Variants in NLRP13 observed in about 807,000 individuals in gnomAD.
The protein encoded by NLRP13 is NACHT, LRR and PYD domains-containing protein 13.
In NLRP13, 82 loss-of-function variants were observed where a neutral mutation model predicts 94.4. The observed-to-expected ratio is 0.87, with a 90% CI of 0.73 to 1.04. The LOEUF is 1.04. Among genes scored for constraint, NLRP13 ranks in the 50% least tolerant of loss-of-function variants. The pLI is 0.00. For synonymous variants in NLRP13, 553 were observed against 464.7 expected, an observed-to-expected ratio of 1.19 and a Z score of -2.45; for missense variants, 1,426 against 1,230.8, an observed-to-expected ratio of 1.16 and a Z score of -2.37.
chr19:55,928,102 G>A (rs139503242), intron 1 of NLRP13, among the ~76,000 whole-genome samples: 1 of 152,270 alleles, frequency 6.6e-6, no homozygotes, highest in African/African-American at 2.4e-5. Context: ...GGTGGATGTG[G>A]CCCAGGGCTT....
At position 55,910,574 on chromosome 19, in the gene NLRP13, G is replaced by C. The variant is rs1001057913; in HGVS notation, c.2271C>G (p.Val757=). Residue 757 remains valine (V), a synonymous_variant, in exon 6 of 11, where the codon GTC becomes GTG. Transcript: ENST00000342929. The stretch of plus-strand genomic sequence containing the variant: ...CGTCTCACACTTACGTCAGTTTCTG[G>C]ACTTTGCATCTTGGATTTTTCAGTG... ...CLALKNPRCK[V]QKLTCKSVTP... 1 of 1,603,222 alleles carries C rather than the reference G, an allele frequency of 6.2e-7. No homozygotes were observed. The highest frequency in any genetic ancestry group is 1.3e-5 in the African/African-American group (1 of 74,654).
In NLRP13 at chr19:55,904,927, G is replaced by A; in HGVS notation, c.2618+15C>T. ...CATAGAGTCATATCTAGAAATGGAA[G>A]TAGGGAAAACTTACTCCAGTCTCTC... On this transcript the variant is annotated intron_variant, in intron 8 of 10. Transcript: ENST00000342929. The A allele has an allele frequency of 2.5e-6, 4 of 1,606,204 alleles. No homozygotes were observed. The highest frequency in any genetic ancestry group is 2.6e-6 in the Non-Finnish European group (3 of 1,173,690).
chr19:55,904,562 A>T (rs1037657124), intron 8 of NLRP13, among the ~76,000 whole-genome samples: 2 of 152,062 alleles, frequency 1.3e-5, no homozygotes, highest in African/African-American at 4.8e-5. Flanking sequence ...GTTTTTCTTC[A>T]TATCTATTGT....
chr19:55,927,849 C>G (rs1490307910), intron 1 of NLRP13, among the ~76,000 whole-genome samples: 1 of 152,200 alleles, frequency 6.6e-6, no homozygotes, highest in South Asian at 2.1e-4. Flanking sequence ...TGGAACTAGC[C>G]TTTGAATCCA....
rs1477828825 is a variant in NLRP13, at chr19:55,912,649, C to T, written c.1168G>A (p.Asp390Asn). 8 of 1,614,034 alleles carry T rather than the reference C, an allele frequency of 5.0e-6. No individual in the cohort carries two copies. In the South Asian group the frequency reaches 5.5e-5, roughly 11 times the overall value. Residue 390 changes from aspartate (D) to asparagine (N), a missense_variant, in exon 5 of 11, where the codon GAC becomes AAC. Coordinates refer to ENST00000342929, the MANE Select transcript of NLRP13 (RefSeq NM_176810.2). ...TGTCTCATGAAATATACCCGTAGGT[C>T]GTCCCCTGTGAACCCTGTAATTTGT... ...FVQITGFTGD[D>N]LRVYFMRHFD...
intron 4 of NLRP13, among the ~76,000 whole-genome samples, chr19:55,916,370 C>T (rs1454950668): frequency 6.6e-6 from 1 of 151,832 alleles, no homozygotes; most frequent in East Asian, 1.9e-4. Flanking sequence ...TGGATCCTAA[C>T]CAAAATGAAA....
downstream of NLRP13, chr19:55,891,851 C>T (rs574445954): frequency 1.3e-4 from 50 of 381,676 alleles, no homozygotes; most frequent in Non-Finnish European, 2.1e-4. Flanking sequence ...GTGCAATGGG[C>T]GGCCTCCAAC....
At chr19:55,917,029 G>A (rs571497575) in intron 4 of NLRP13, among the ~76,000 whole-genome samples, 3 of 152,268 alleles carry the variant, frequency 2.0e-5, no homozygotes, top group Non-Finnish European at 2.9e-5. Flanking sequence ...CTTCTCAGCA[G>A]AAATCTTACA....
chr19:55,926,564 C>G (rs982816679), intron 1 of NLRP13, among the ~76,000 whole-genome samples: 5 of 152,162 alleles, frequency 3.3e-5, no homozygotes, highest in Non-Finnish European at 7.3e-5. Context: ...TTACTCCCCC[C>G]AGGCTCCATA....
Position 55,932,154 on chromosome 19 carries a change from G to C in NLRP13, c.158C>G (p.Pro53Arg). Residue 53 changes from proline (P) to arginine (R), a missense_variant, in exon 1 of 11, where the codon CCG becomes CGG. Physicochemically the swap from Pro to Arg is moderately radical, Grantham distance 103. Coordinates refer to ENST00000342929, the MANE Select transcript of NLRP13 (RefSeq NM_176810.2). ...DFWSAPQGHF[P>R]RIPWANLRAA... Reference sequence around the variant, plus strand: ...TCTCAAGTTTGCCCAGGGGATACGCGGGAAGTGCCCCTGGGGGGCCGACCA... The same window carrying C: ...TCTCAAGTTTGCCCAGGGGATACGCCGGAAGTGCCCCTGGGGGGCCGACCA... The C allele has an allele frequency of 6.2e-7, 1 of 1,614,158 alleles. No individual in the cohort carries two copies. The highest frequency in any genetic ancestry group is 1.1e-5 in the South Asian group (1 of 91,086).
At chr19:55,892,365 G>A (rs779894342), downstream of NLRP13, among the ~76,000 whole-genome samples, 27 of 90,932 alleles carry the variant, frequency 3.0e-4, no homozygotes, top group Non-Finnish European at 5.1e-4. Flanking sequence ...AAATATATGT[G>A]TATATATGTA....
In NLRP13 at chr19:55,931,975, C is replaced by T. The variant is rs1285478436; in HGVS notation, c.319+18G>A. The T allele has an allele frequency of 6.2e-7, 1 of 1,610,846 alleles. No individual in the cohort carries two copies. The highest frequency in any genetic ancestry group is 8.5e-7 in the Non-Finnish European group (1 of 1,179,506). On this transcript the variant is annotated intron_variant, in intron 1 of 10. Transcript: ENST00000342929. ...AGTACCAAGCAGCCCTCCCGCCTTC[C>T]TTCTTGAGGACTCTCACCTTTCATC...
At chr19:55,906,337 CAA>C (rs71182931) in intron 7 of NLRP13, among the ~76,000 whole-genome samples, 4 of 60,968 alleles carry the variant, frequency 6.6e-5, no homozygotes, top group Non-Finnish European at 5.6e-5. Flanking sequence ...GACTCCATCT[CAA>C]AAAAAAAAAA....
chr19:55,904,882 T>C, intron 8 of NLRP13, 60 bp downstream of exon 8: 8 of 1,378,446 alleles, frequency 5.8e-6, no homozygotes, highest in Middle Eastern at 2.0e-4. Flanking sequence ...GAAGAAACCA[T>C]TGTTCTAGAT....
In NLRP13 at chr19:55,912,785, G is replaced by T; in HGVS notation, c.1032C>A (p.Ile344=). 1.2e-6 allele frequency: 2 copies of T among 1,614,110 alleles called. No individual in the cohort carries two copies. Among genetic ancestry groups the T allele is most frequent in the Middle Eastern group, 1.6e-4 (1 of 6,062 alleles). The stretch of plus-strand genomic sequence containing the variant: ...ATTCTTTCTTCAACAAGCTGTGTAG[G>T]ATTTTGGTCACTGGGAGCTCCTGGT... ...DWYQELPVTK[I]LHSLLKKELV... The change falls in exon 5 of 11, where the codon ATC becomes ATA. Residue 344 remains isoleucine, a synonymous_variant. Transcript: ENST00000342929.
downstream of NLRP13, among the ~76,000 whole-genome samples, chr19:55,893,500 CTT>C (rs1459222261): frequency 6.6e-6 from 1 of 152,102 alleles, no homozygotes; most frequent in Admixed American, 6.5e-5. Context: ...TGAAGGGTAA[CTT>C]TTGTTTACCC....
chr19:55,927,369 G>GGA (rs1986991627), intron 1 of NLRP13, among the ~76,000 whole-genome samples: 2 of 123,974 alleles, frequency 1.6e-5, no homozygotes, highest in East Asian at 4.6e-4. Context: ...CTCCATCTAG[G>GGA]AAAAAAAAAA....
rs185249462 is a variant in NLRP13 at position 55,907,936 on chromosome 19, T to C, written c.2303A>G (p.Glu768Gly). 6.2e-7 allele frequency: 1 copy of C among 1,603,430 alleles called. No homozygotes were observed. Among genetic ancestry groups the C allele is most frequent in the Admixed American group, 1.7e-5 (1 of 58,898 alleles). ...AATAATGAGGTCCTGCAGAACCCAC[T>C]CAGGAGTTACCGATTTGCACCTGAG... The part of the protein sequence containing the change: ...QKLTCKSVTP[E>G]WVLQDLIIAL... Residue 768 changes from glutamate to glycine, a missense_variant, in exon 7 of 11, where the codon GAG becomes GGG. Coordinates refer to ENST00000342929, the MANE Select transcript of NLRP13 (RefSeq NM_176810.2).
In NLRP13 at chr19:55,932,206, A is replaced by T. The variant is rs748502511; in HGVS notation, c.106T>A (p.Leu36Met). Residue 36 changes from leucine to methionine, a missense_variant, in exon 1 of 11, where the codon TTG (leucine) becomes ATG (methionine). Transcript: ENST00000342929. Reference sequence around the variant, plus strand: ...AAGTCCATCAGCTGCTGGGGTTCCAAGCAAAGCTTGAATTCCTCCAGCTGA... The same window carrying T: ...AAGTCCATCAGCTGCTGGGGTTCCATGCAAAGCTTGAATTCCTCCAGCTGA... ...QYQLEEFKLC[L>M]EPQQLMDFWS... 2 of 1,613,960 alleles carry T rather than the reference A, an allele frequency of 1.2e-6. No individual in the cohort carries two copies. Among genetic ancestry groups the T allele is most frequent in the South Asian group, 2.2e-5 (2 of 91,068 alleles).
Sources: allele counts gnomAD v4.1 joint callset (sites outside exome capture counted in the v4.1 genomes callset), GRCh38; gene constraint gnomAD v4.1.1; transcripts MANE v1.5; gene names NCBI Gene and HGNC (gene_info 2026-07-23, HGNC 2026-07-21).